The following DPP6 variants were observed in gnomAD, a reference collection of about 807,000 sequenced individuals.
DPP6 encodes A-type potassium channel modulatory protein DPP6.
A neutral mutation model predicts 122.6 loss-of-function variants in DPP6; 69 were observed. The ratio of observed to expected loss-of-function variants is 0.56; its 90% CI spans 0.46 to 0.69. The LOEUF (loss-of-function observed/expected upper bound fraction) is 0.69. Among genes scored for constraint, DPP6 ranks in the 30% least tolerant of loss-of-function variants. The probability of loss-of-function intolerance (pLI) is 0.00; values close to 1 mark genes in which losing one functional copy is unlikely to be tolerated. For missense variants in DPP6, 928 were observed against 1,116.9 expected, an observed-to-expected ratio of 0.83 and a Z score of 2.41; for synonymous variants, 418 against 433.1, an observed-to-expected ratio of 0.97 and a Z score of 0.43.
intron 1 of DPP6, among the ~76,000 whole-genome samples, chr7:154,424,888 C>G (rs374432657): frequency 6.6e-6 from 1 of 152,300 alleles, no homozygotes; most frequent in East Asian, 1.9e-4. Context: ...CTTTCAGAGC[C>G]CTCCAAGTTT....
intron 1 of DPP6, among the ~76,000 whole-genome samples, chr7:154,213,368 G>T (rs1300018546): frequency 6.6e-6 from 1 of 152,180 alleles, no homozygotes; most frequent in Non-Finnish European, 1.5e-5. Context: ...AGGCCATGAA[G>T]GCTGCAACTT....
At chr7:154,478,970 G>A (rs1434410431) in intron 3 of DPP6, among the ~76,000 whole-genome samples, 1 of 151,958 alleles carries the variant, frequency 6.6e-6, no homozygotes, top group Non-Finnish European at 1.5e-5. Context: ...TTGTTTGTTT[G>A]TTTTTTAGTA....
chr7:154,623,422 C>T (rs540600293), intron 5 of DPP6, among the ~76,000 whole-genome samples: 3 of 152,140 alleles, frequency 2.0e-5, no homozygotes, highest in East Asian at 1.9e-4. Flanking sequence ...TTTGCTGCGT[C>T]GGGAACCTCT....
intron 1 of DPP6, among the ~76,000 whole-genome samples, chr7:154,217,065 C>T (rs1358574478): frequency 6.6e-6 from 1 of 151,966 alleles, no homozygotes; most frequent in Non-Finnish European, 1.5e-5. Flanking sequence ...ACGCACAAGC[C>T]TCCACTTTAA....
At position 154,833,166 on chromosome 7, in the gene DPP6, G is replaced by A. The variant is rs927020700; in HGVS notation, c.1667-20614G>A. Among the ~76,000 whole-genome samples the A allele has an allele frequency of 7.0e-6, 1 of 142,530 alleles. No individual in the cohort carries two copies. Among genetic ancestry groups the A allele is most frequent in the Non-Finnish European group, 1.5e-5 (1 of 67,760 alleles). The allele number at this position is 142,530 out of a possible 152,430, so 93.5% of individuals were successfully genotyped here. On this transcript the variant is annotated intron_variant, in intron 16 of 25. Transcript: ENST00000377770. The surrounding 1 kb of genome is among the most constrained non-coding windows in gnomAD (Gnocchi z 4.3). Reference sequence around the variant, plus strand: ...GCATCTCACTCACGCCATGCAAGCAGCCTGGGCTCCGATGCACACAGGAGC... The same window carrying A: ...GCATCTCACTCACGCCATGCAAGCAACCTGGGCTCCGATGCACACAGGAGC...
Position 154,475,227 on chromosome 7 carries a change from T to A in DPP6, c.457+190T>A. 5.0e-6 allele frequency: 3 copies of A among 601,176 alleles called. No homozygotes were observed. In the South Asian group the frequency reaches 5.1e-5, roughly 10 times the overall value. 37.2% of individuals were successfully genotyped at this position (601,176 alleles called of 1,614,324 possible). On this transcript the variant is annotated intron_variant, in intron 3 of 25. Coordinates refer to ENST00000377770, the MANE Select transcript of DPP6 (RefSeq NM_130797.4). ...ATGTGTATCTGGTAAAATCAGGCTT[T>A]TGTAATGGTGTTGCCTCCCGAGCAT... is the stretch of plus-strand genomic sequence containing the variant.
At chr7:153,789,036 A>G in the DPP6 span, among the ~76,000 whole-genome samples, 3 of 152,106 alleles carry the variant, frequency 2.0e-5, no homozygotes, top group African/African-American at 7.2e-5. Flanking sequence ...TAAGACCAAG[A>G]AACTGCCAAA....
intron 1 of DPP6, among the ~76,000 whole-genome samples, chr7:154,062,424 T>G (rs868132912): frequency 0.38 from 170 of 452 alleles, 3 homozygotes; most frequent in African/African-American, 0.45. Context: ...CACCCTCCGC[T>G]AGGCAGGGAC....
At chr7:153,831,966 G>T in the DPP6 span, among the ~76,000 whole-genome samples, 1 of 152,204 alleles carries the variant, frequency 6.6e-6, no homozygotes, top group Non-Finnish European at 1.5e-5. Context: ...AGTTCCCTCT[G>T]GTTGCTGTCA....
Position 154,807,064 on chromosome 7 carries a change from A to G in DPP6, c.1618A>G (p.Ser540Gly), listed in dbSNP as rs1798742362. ...CDLVENCTYF[S>G]ASFSHSMDFF... ...CCTGGTTGAGAACTGCACCTACTTC[A>G]GCGCTTCCTTCAGCCATAGCATGGA... Residue 540 changes from serine (S) to glycine (G), a missense_variant, in exon 16 of 26, where the codon AGC becomes GGC. By Grantham distance (56) the Ser-to-Gly change is moderately conservative. Transcript: ENST00000377770. The G allele has an allele frequency of 6.2e-7, 1 of 1,613,800 alleles. No individual in the cohort carries two copies. The highest frequency in any genetic ancestry group is 1.3e-5 in the African/African-American group (1 of 75,048).
chr7:154,372,088 G>C (rs1249397173), intron 1 of DPP6, among the ~76,000 whole-genome samples: 1 of 151,996 alleles, frequency 6.6e-6, no homozygotes, highest in Non-Finnish European at 1.5e-5. Flanking sequence ...GGAGTGGGGA[G>C]AGCCTCAATC....
chr7:154,889,223 C>T lies in DPP6; in HGVS notation c.2305-49C>T, dbSNP rs959585098. 7.6e-6 allele frequency: 12 copies of T among 1,586,654 alleles called. No homozygotes were observed. In the Admixed American group the frequency reaches 1.4e-4, roughly 19 times the overall value. Reference sequence around the variant, plus strand: ...AGGTTTCCAAGCAGAACACCTGGCTCCCTGCAGTGCAGCCCCCTAACTCTG... The same window carrying T: ...AGGTTTCCAAGCAGAACACCTGGCTTCCTGCAGTGCAGCCCCCTAACTCTG... On this transcript the variant is annotated intron_variant, in intron 23 of 25. Transcript: ENST00000377770.
At chr7:154,547,341 T>A (rs1829279616) in intron 4 of DPP6, among the ~76,000 whole-genome samples, 1 of 152,226 alleles carries the variant, frequency 6.6e-6, no homozygotes, top group Admixed American at 6.5e-5. Flanking sequence ...CCCACTGAAA[T>A]GTTTTGTTTG....
chr7:154,815,281 C>T (rs1042392652), intron 16 of DPP6, among the ~76,000 whole-genome samples: 11 of 152,148 alleles, frequency 7.2e-5, no homozygotes, highest in Non-Finnish European at 1.2e-4. Context: ...AAGAGCAGTT[C>T]CAGTATAGAT....
rs186848433 is a variant in DPP6 at position 154,613,512 on chromosome 7, G to A, written c.628-24309G>A. On this transcript the variant is annotated intron_variant, in intron 5 of 25. Transcript: ENST00000377770. ...TGCATGCCTGTAATCCCAGCTACTC[G>A]GGAGGCTGAGGCAGGAGAATCGCTT... Among the ~76,000 whole-genome samples, 13 of 149,592 alleles carry A rather than the reference G, an allele frequency of 8.7e-5. No individual in the cohort carries two copies. The East Asian group carries it at 2.4e-3, about 27-fold the overall frequency.
At chr7:153,829,747 C>T in the DPP6 span, among the ~76,000 whole-genome samples, 3 of 152,218 alleles carry the variant, frequency 2.0e-5, no homozygotes, top group Admixed American at 1.3e-4. Flanking sequence ...CATTTTACCA[C>T]GCCTCAGTCT....
chr7:153,766,557 A>C, the DPP6 span, among the ~76,000 whole-genome samples: 1 of 152,208 alleles, frequency 6.6e-6, no homozygotes. Flanking sequence ...ATGATGCTGC[A>C]GAGCTTTGAC....
intron 1 of DPP6, among the ~76,000 whole-genome samples, chr7:154,089,013 A>G (rs2533648): frequency 0.22 from 33,108 of 151,674 alleles, 4,151 homozygotes; most frequent in African/African-American, 0.35. Flanking sequence ...CGTCCAGCCC[A>G]GAAGTCACAG....
chr7:153,922,001 A>G (rs1350283853), intron 1 of DPP6, among the ~76,000 whole-genome samples: 1 of 152,202 alleles, frequency 6.6e-6, no homozygotes, highest in Admixed American at 6.5e-5. Flanking sequence ...CAGGAAGCCT[A>G]TCAGAGCCGA....
Sources: allele counts gnomAD v4.1 joint callset (sites outside exome capture counted in the v4.1 genomes callset), GRCh38; gene constraint gnomAD v4.1.1; non-coding constraint Gnocchi (gnomAD v3.1); transcripts MANE v1.5; gene names NCBI Gene and HGNC (gene_info 2026-07-23, HGNC 2026-07-21).